The following ZFHX3 variants were observed in gnomAD, a reference collection of about 807,000 sequenced individuals.
ZFHX3 encodes zinc finger homeobox 3.
ZFHX3 carries 42 observed loss-of-function variants against 279.1 expected under a neutral mutation model. The observed-to-expected ratio is 0.15, with a 90% CI of 0.12 to 0.19. The LOEUF (loss-of-function observed/expected upper bound fraction) is 0.19, where lower values mean the gene tolerates loss of function less well. ZFHX3 is among the 10% of genes least tolerant of loss of function. The pLI is 1.00. For synonymous variants in ZFHX3, 2,293 were observed against 1,957.8 expected (o/e 1.17, Z -4.52); for missense variants, 4,981 against 4,754.0 (o/e 1.05, Z -1.40).
At position 72,793,983 on chromosome 16, in the gene ZFHX3, C is replaced by G; in HGVS notation, c.8699G>C (p.Ser2900Thr). The change falls in exon 9 of 10, where the codon AGC becomes ACC. Residue 2900 changes from serine to threonine, a missense_variant. By Grantham distance (58) the Ser-to-Thr change is moderately conservative. Around this residue, in one of 7 missense-constraint regions of ZFHX3, gnomAD observed 744 missense variants for 701.3 expected, o/e 1.06. Transcript: ENST00000268489. The surrounding 1 kb of genome is among the most constrained non-coding windows in gnomAD (Gnocchi z 4.3). ...LSSGLVSPAP[S>T]FYSKEYDNEG... Reference sequence around the variant, plus strand: ...ATTGTCATATTCCTTGCTATAAAAGCTCGGGGCCGGGCTGACCAGACCAGA... The same window carrying G: ...ATTGTCATATTCCTTGCTATAAAAGGTCGGGGCCGGGCTGACCAGACCAGA... The G allele has an allele frequency of 1.2e-6, 2 of 1,614,218 alleles. No individual in the cohort carries two copies. The highest frequency in any genetic ancestry group is 1.7e-6 in the Non-Finnish European group (2 of 1,180,038).
chr16:73,054,911 A>C (rs1412908425), intron 1 of ZFHX3, among the ~76,000 whole-genome samples: 1 of 152,140 alleles, frequency 6.6e-6, no homozygotes, highest in African/African-American at 2.4e-5. Context: ...TCTAAGATAA[A>C]GGGGAAAAAA....
At chr16:73,335,445 TAA>T (rs1308970575) in intron 3 of ZFHX3, among the ~76,000 whole-genome samples, 1 of 152,066 alleles carries the variant, frequency 6.6e-6, no homozygotes, top group Admixed American at 6.5e-5. Context: ...TTTCCAGGAG[TAA>T]AGTTTCCGCT....
At chr16:73,378,559 G>T (rs758934007) in intron 3 of ZFHX3, among the ~76,000 whole-genome samples, 2 of 152,068 alleles carry the variant, frequency 1.3e-5, no homozygotes, top group Non-Finnish European at 2.9e-5. Context: ...ATAAAAATAC[G>T]TACAGATAAA....
intron 8 of ZFHX3, among the ~76,000 whole-genome samples, chr16:73,072,750 T>C (rs1965840640): frequency 6.6e-6 from 1 of 152,164 alleles, no homozygotes; most frequent in African/African-American, 2.4e-5. Flanking sequence ...ACAAATTTTT[T>C]GTAGAGACAG....
chr16:73,271,614 G>C (rs957109927), intron 4 of ZFHX3, among the ~76,000 whole-genome samples: 1 of 152,230 alleles, frequency 6.6e-6, no homozygotes, highest in Non-Finnish European at 1.5e-5. Context: ...TGTAAAATGG[G>C]GATGATAATA....
chr16:73,248,721 G>C (rs1250222515), intron 5 of ZFHX3, among the ~76,000 whole-genome samples: 1 of 152,014 alleles, frequency 6.6e-6, no homozygotes, highest in Non-Finnish European at 1.5e-5. Flanking sequence ...TCTCCCCTAT[G>C]TGCTGAGTAT....
intron 5 of ZFHX3, among the ~76,000 whole-genome samples, chr16:73,172,665 AGAAAGAGGTTTCT>A (rs1395452146): frequency 6.6e-6 from 1 of 152,224 alleles, no homozygotes; most frequent in African/African-American, 2.4e-5. Context: ...AAAGAGACAG[AGAAAGAGGTTTCT>A]GTAAGTAGCC....
At chr16:73,650,020 T>C (rs1423228798) in intron 2 of ZFHX3, among the ~76,000 whole-genome samples, 2 of 152,140 alleles carry the variant, frequency 1.3e-5, no homozygotes, top group Non-Finnish European at 2.9e-5. Context: ...AGTTTACTCA[T>C]TTTTAAAATG....
chr16:72,995,005 G>T lies in ZFHX3; in HGVS notation c.-49-34811C>A, dbSNP rs578262466. Among the ~76,000 whole-genome samples the T allele has an allele frequency of 5.9e-5, 9 of 152,250 alleles. No individual in the cohort carries two copies. The East Asian group carries it at 1.7e-3, about 29-fold the overall frequency. ...CAATGTGTTTTCCTGATCACCAGGG[G>T]AATCCTCAGCCTTCCCCGTAATCTG... On this transcript the variant is annotated intron_variant, in intron 1 of 9. Transcript: ENST00000268489.
chr16:73,217,877 T>C (rs1231307232), intron 5 of ZFHX3, among the ~76,000 whole-genome samples: 1 of 151,608 alleles, frequency 6.6e-6, no homozygotes, highest in Admixed American at 6.6e-5. Flanking sequence ...GGTGGCTTTG[T>C]AGTTAACCTA....
chr16:73,431,487 G>A (rs900390727), intron 3 of ZFHX3, among the ~76,000 whole-genome samples: 5 of 152,114 alleles, frequency 3.3e-5, no homozygotes, highest in African/African-American at 9.7e-5. Flanking sequence ...GTTGCAGTGC[G>A]CCAAGATCAC....
chr16:73,674,628 A>G (rs985287119), intron 2 of ZFHX3, among the ~76,000 whole-genome samples: 1 of 152,198 alleles, frequency 6.6e-6, no homozygotes, highest in African/African-American at 2.4e-5. Flanking sequence ...TTCTCCAATT[A>G]AGACCTAGAG....
intron 1 of ZFHX3, among the ~76,000 whole-genome samples, chr16:73,794,823 T>C (rs1959944699): frequency 6.6e-6 from 1 of 152,252 alleles, no homozygotes; most frequent in South Asian, 2.1e-4. Context: ...TCTGTGATCA[T>C]ACCTCCCCCA....
At chr16:73,525,688 C>G (rs1404414457) in intron 2 of ZFHX3, among the ~76,000 whole-genome samples, 1 of 152,144 alleles carries the variant, frequency 6.6e-6, no homozygotes, top group East Asian at 1.9e-4. Context: ...TTGCCTGTTC[C>G]CCTCAGGACC....
chr16:73,074,911 T>C lies in ZFHX3; in HGVS notation c.-532-15899A>G, dbSNP rs1965869148. Among the ~76,000 whole-genome samples the C allele has an allele frequency of 2.0e-5, 3 of 152,228 alleles. No homozygotes were observed. In the South Asian group the frequency reaches 6.2e-4, roughly 32 times the overall value. ...TGCCTCTGGGCTCAAGTGATCCTCC[T>C]AAGTAGCTAATTAGCCTCCCAAGTA... On this transcript the variant is annotated intron_variant, in intron 8 of 17. Coordinates refer to the ZFHX3 transcript ENST00000641206.
At chr16:73,253,257 T>C (rs1369606997) in intron 5 of ZFHX3, among the ~76,000 whole-genome samples, 1 of 152,062 alleles carries the variant, frequency 6.6e-6, no homozygotes, top group South Asian at 2.1e-4. Flanking sequence ...AGGGAGTTCA[T>C]GAGGGAAGGC....
intron 2 of ZFHX3, among the ~76,000 whole-genome samples, chr16:73,558,110 G>T (rs1289960748): frequency 3.3e-5 from 5 of 152,224 alleles, no homozygotes; most frequent in Admixed American, 6.5e-5. Context: ...GGACAAGACT[G>T]AAAGCACCAG....
At chr16:73,821,394 C>G (rs548274918) in intron 1 of ZFHX3, among the ~76,000 whole-genome samples, 2 of 152,296 alleles carry the variant, frequency 1.3e-5, no homozygotes, top group East Asian at 3.9e-4. Context: ...CAGAAAACCC[C>G]AGTCTTTCAA....
rs542308904 is a variant in ZFHX3, at chr16:72,842,637, C to A, written c.3449-12778G>T. Among the ~76,000 whole-genome samples the A allele has an allele frequency of 8.7e-3, 1,325 of 151,850 alleles. 26 individuals carry two copies. Among genetic ancestry groups the A allele is most frequent in the African/African-American group, 0.028 (1,147 of 41,366 alleles). ...GCAAAATCTTCAAATAGGAGGAGGT[C>A]GGAGGAAGGAGATTTAGATGGCAAC... is the stretch of plus-strand genomic sequence containing the variant. On this transcript the variant is annotated intron_variant, in intron 4 of 9. Transcript: ENST00000268489.
Sources: allele counts gnomAD v4.1 joint callset (sites outside exome capture counted in the v4.1 genomes callset), GRCh38; gene constraint gnomAD v4.1.1; regional missense constraint gnomAD v4.1.1; non-coding constraint Gnocchi (gnomAD v3.1); transcripts MANE v1.5; gene names NCBI Gene and HGNC (gene_info 2026-07-23, HGNC 2026-07-21).